SPEG: variants seen among roughly 807,000 people sequenced by gnomAD.
SPEG encodes striated muscle preferentially expressed protein kinase.
In SPEG, 114 loss-of-function variants were observed where a neutral mutation model predicts 300.4. That is an observed-to-expected ratio of 0.38 (90% CI 0.33 to 0.44). The LOEUF is 0.44. SPEG is among the 20% of genes least tolerant of loss of function. SPEG has a pLI of 1.00. For missense variants in SPEG, 4,201 were observed against 4,586.2 expected (o/e 0.92, Z 2.43); for synonymous variants, 1,964 against 2,018.9 (o/e 0.97, Z 0.73).
intron 1 of SPEG, chr2:219,442,958 G>T: frequency 1.5e-6 from 1 of 666,436 alleles, no homozygotes; most frequent in Non-Finnish European, 2.6e-6. Flanking sequence ...GGGGAAGCTG[G>T]TCACTCTGGG....
chr2:219,476,724 TG>T, intron 18 of SPEG, 145 bp from the exon 19 acceptor site: 5 of 406,332 alleles, frequency 1.2e-5, no homozygotes, highest in Admixed American at 5.8e-5. Flanking sequence ...TTGGTGGGGG[TG>T]GGGGGTGGTG....
rs1008553858 is a variant in SPEG at position 219,449,144 on chromosome 2, G to A, written c.1986G>A (p.Ala662=). 4.2e-6 allele frequency: 6 copies of A among 1,435,644 alleles called. No homozygotes were observed. In the African/African-American group the frequency reaches 7.5e-5, roughly 18 times the overall value. The allele number at this position is 1,435,644 out of a possible 1,614,324, so 88.9% of individuals were successfully genotyped here. A position where few individuals can be genotyped will look rare whatever the true frequency, so the allele number is the denominator to read the frequency against. Residue 662 remains alanine (A), a synonymous_variant, in exon 4 of 41, where the codon GCG becomes GCA. Transcript: ENST00000312358. ...AVPQTLEKNR[A]GPEAEKRLRR... is the part of the protein sequence containing the mutation. ...CCCAGACCTTGGAGAAGAACAGGGC[G>A]GGGCCTGAGGCAGAGAAGAGGCTTC... is the stretch of plus-strand genomic sequence containing the variant.
chr2:219,484,744 G>A lies in SPEG; in HGVS notation c.7281G>A (p.Pro2427=), dbSNP rs1693221757. The change falls in exon 30 of 41, where the codon CCG becomes CCA. Residue 2427 remains proline, a synonymous_variant. Coordinates refer to ENST00000312358, the MANE Select transcript of SPEG (RefSeq NM_005876.5). ...GGACCCCTCCCGCGCAGCGCCACCC[G>A]GCCTGGGAGGCCCGCGGCGGGGACG... ...LRRTPPAQRH[P]AWEARGGDGE... 4 of 1,467,594 alleles carry A rather than the reference G, an allele frequency of 2.7e-6. No homozygotes were observed. The highest frequency in any genetic ancestry group is 2.6e-5 in the Admixed American group (1 of 38,628). 90.9% of individuals were successfully genotyped at this position (1,467,594 alleles called of 1,614,324 possible). A position where few individuals can be genotyped will look rare whatever the true frequency, so the allele number is the denominator to read the frequency against.
In SPEG at chr2:219,488,661, G is replaced by A. The variant is rs1038043521; in HGVS notation, c.8022G>A (p.Val2674=). The change falls in exon 33 of 41, where the codon GTG becomes GTA. Residue 2674 remains valine (V), a synonymous_variant. Coordinates refer to ENST00000312358, the MANE Select transcript of SPEG (RefSeq NM_005876.5). The part of the protein sequence containing the change: ...GSITSSCTVA[V]ARVPGKLAPP... ...TCACCAGCTCCTGTACCGTGGCTGTGGCCCGTGAGCCTGGGGCAGGGCCCC... is the reference window on the plus strand; with the variant it reads ...TCACCAGCTCCTGTACCGTGGCTGTAGCCCGTGAGCCTGGGGCAGGGCCCC... 2.5e-5 allele frequency: 40 copies of A among 1,601,696 alleles called. No homozygotes were observed. The highest frequency in any genetic ancestry group is 3.3e-5 in the Non-Finnish European group (39 of 1,172,882).
chr2:219,444,814 C>T lies in SPEG; in HGVS notation c.479-11C>T, dbSNP rs750417340. 18 of 1,603,306 alleles carry T rather than the reference C, an allele frequency of 1.1e-5. No homozygotes were observed. The highest frequency in any genetic ancestry group is 4.5e-5 in the South Asian group (4 of 89,582). ...AGGGGTGCCTCAGTCTCACGGTGCT[C>T]CTTTCTCTAGGGGGTTCTGACACCC... is the stretch of plus-strand genomic sequence containing the variant. On this transcript the variant is annotated splice_polypyrimidine_tract_variant and intron_variant, in intron 2 of 40. Coordinates refer to ENST00000312358, the MANE Select transcript of SPEG (RefSeq NM_005876.5). This position sits in a 1 kb window ranked among gnomAD's most constrained non-coding sequence, Gnocchi z 7.8.
In SPEG at chr2:219,484,232, C is replaced by T. The variant is rs188481500; in HGVS notation, c.6769C>T (p.His2257Tyr). Residue 2257 changes from histidine to tyrosine, a missense_variant, in exon 30 of 41, where the codon CAC becomes TAC. Physicochemically the swap from His to Tyr is moderately conservative, Grantham distance 83. Transcript: ENST00000312358. Reference protein sequence around the residue: ...QIIQSLQLSGHAQGPSQGPAA... With the variant: ...QIIQSLQLSGYAQGPSQGPAA... ...CATTCAGTCCCTCCAGCTGTCAGGC[C>T]ACGCCCAGGGCCCCTCGCAGGGCCC... 146 of 1,612,000 alleles carry T rather than the reference C, an allele frequency of 9.1e-5. No homozygotes were observed. The East Asian group carries it at 2.9e-3, about 32-fold the overall frequency.
intron 1 of SPEG, among the ~76,000 whole-genome samples, chr2:219,438,395 C>T (rs548496139): frequency 1.3e-5 from 2 of 152,312 alleles, no homozygotes; most frequent in South Asian, 2.1e-4. Context: ...GTATCTGAGT[C>T]TGGGTCCATA....
chr2:219,488,155 G>T (rs1422241779), intron 31 of SPEG, 39 bp from the exon 32 acceptor site: 2 of 1,421,260 alleles, frequency 1.4e-6, no homozygotes, highest in African/African-American at 1.4e-5. Context: ...GTGGGCCAGG[G>T]TCCCTACAGA....
Position 219,489,037 on chromosome 2 carries a change from C to T in SPEG, c.8150-17C>T. The T allele has an allele frequency of 6.2e-7, 1 of 1,613,062 alleles. No individual in the cohort carries two copies. The highest frequency in any genetic ancestry group is 8.5e-7 in the Non-Finnish European group (1 of 1,179,604). Reference sequence around the variant, plus strand: ...ACCGCTTCTGTGACCTCAGCCCCTCCCCCATACTGCCTATAGGGGAGTCTG... The same window carrying T: ...ACCGCTTCTGTGACCTCAGCCCCTCTCCCATACTGCCTATAGGGGAGTCTG... On this transcript the variant is annotated splice_polypyrimidine_tract_variant and intron_variant, in intron 34 of 40. Transcript: ENST00000312358.
chr2:219,488,825 G>A lies in SPEG; in HGVS notation c.8074G>A (p.Asp2692Asn), dbSNP rs1395202727. The change falls in exon 34 of 41, where the codon GAC (aspartate) becomes AAC (asparagine). Residue 2692 changes from aspartate (D) to asparagine (N), a missense_variant. Asp to Asn is a conservative substitution (Grantham distance 23, BLOSUM62 1). Transcript: ENST00000312358. ...APPEVPQTYQ[D>N]TALVLWKPGD... ...TCCAGAGGTACCCCAGACCTACCAG[G>A]ACACGGCGCTGGTGCTGTGGAAGCC... 6.3e-6 allele frequency: 10 copies of A among 1,595,898 alleles called. No individual in the cohort carries two copies. The highest frequency in any genetic ancestry group is 8.5e-6 in the Non-Finnish European group (10 of 1,170,136).
chr2:219,489,676 C>T lies in SPEG; in HGVS notation c.8658C>T (p.Ser2886=). ...ACACTGGGACCCCGATCCCAGCCTCCACTCCTCAAGGGGTTAAACCAGTGT... is the reference window on the plus strand; with the variant it reads ...ACACTGGGACCCCGATCCCAGCCTCTACTCCTCAAGGGGTTAAACCAGTGT... ...VLDTGTPIPA[S]TPQGVKPVSS... The change falls in exon 36 of 41, where the codon TCC becomes TCT. Residue 2886 remains serine, a synonymous_variant. Transcript: ENST00000312358. 3 of 1,614,128 alleles carry T rather than the reference C, an allele frequency of 1.9e-6. No homozygotes were observed. The highest frequency in any genetic ancestry group is 1.3e-5 in the African/African-American group (1 of 75,046).
At chr2:219,455,610 C>T (rs968134652) in intron 6 of SPEG, among the ~76,000 whole-genome samples, 14 of 152,210 alleles carry the variant, frequency 9.2e-5, no homozygotes, top group Non-Finnish European at 7.3e-5. Context: ...AGCCTACACT[C>T]CTAACCATGA....
intron 1 of SPEG, among the ~76,000 whole-genome samples, chr2:219,440,246 G>A (rs1440193247): frequency 6.6e-6 from 1 of 151,860 alleles, no homozygotes; most frequent in Non-Finnish European, 1.5e-5. Context: ...AATTAGCTGG[G>A]CATGATGGCA....
chr2:219,479,716 C>A lies in SPEG; in HGVS notation c.5086-67C>A. The A allele has an allele frequency of 6.7e-7, 1 of 1,483,192 alleles. No individual in the cohort carries two copies. Among genetic ancestry groups the A allele is most frequent in the Non-Finnish European group, 9.4e-7 (1 of 1,064,250 alleles). 91.9% of individuals were successfully genotyped at this position (1,483,192 alleles called of 1,614,324 possible). A position where few individuals can be genotyped will look rare whatever the true frequency, so the allele number is the denominator to read the frequency against. The stretch of plus-strand genomic sequence containing the variant: ...TCCACAGGCACAGCCGGACCGCTTG[C>A]CGCCCTGGAGGTGTTCAGACATACA... On this transcript the variant is annotated intron_variant, in intron 23 of 40. Coordinates refer to ENST00000312358, the MANE Select transcript of SPEG (RefSeq NM_005876.5). This position sits in a 1 kb window ranked among gnomAD's most constrained non-coding sequence, Gnocchi z 5.5.
Position 219,483,404 on chromosome 2 carries a change from T to C in SPEG, c.5941T>C (p.Ser1981Pro), listed in dbSNP as rs780739616. ...MDWQEQGRAP[S>P]QDQEAPSPEA... ...CTGGCAGGAGCAGGGAAGGGCTCCCTCTCAGGACCAGGAGGCTCCCAGCCC... is the reference window on the plus strand; with the variant it reads ...CTGGCAGGAGCAGGGAAGGGCTCCCCCTCAGGACCAGGAGGCTCCCAGCCC... Residue 1981 changes from serine to proline, a missense_variant, in exon 30 of 41, where the codon TCT becomes CCT. By Grantham distance (74) the Ser-to-Pro change is moderately conservative. This residue lies in a region of SPEG where 1,578 missense variants were observed against 1,506.0 expected (regional missense o/e 1.05). Transcript: ENST00000312358. 7 of 1,590,104 alleles carry C rather than the reference T, an allele frequency of 4.4e-6. No individual in the cohort carries two copies. In the East Asian group the frequency reaches 1.4e-4, roughly 31 times the overall value.
chr2:219,488,718 G>A lies in SPEG; in HGVS notation c.8026+53G>A, dbSNP rs62191888. The A allele has an allele frequency of 3.2e-5, 52 of 1,609,790 alleles. No homozygotes were observed. The East Asian group carries it at 1.2e-3, about 36-fold the overall frequency. On this transcript the variant is annotated intron_variant, in intron 33 of 40. Coordinates refer to ENST00000312358, the MANE Select transcript of SPEG (RefSeq NM_005876.5). Reference sequence around the variant, plus strand: ...GTAGTGATGGGGATGGTGGGACAGGGCTTGAGGGGTTCTTAGCTAGGGTAT... The same window carrying A: ...GTAGTGATGGGGATGGTGGGACAGGACTTGAGGGGTTCTTAGCTAGGGTAT...
In SPEG at chr2:219,484,385, C is replaced by A; in HGVS notation, c.6922C>A (p.Arg2308=). 6.2e-7 allele frequency: 1 copy of A among 1,609,700 alleles called. No individual in the cohort carries two copies. ...TCCCCCGGTGCTAGCCGAGAAAGCC[C>A]GAGTTCCCACGGTGCCCCCCAGGCC... ...GGPPVLAEKA[R]VPTVPPRPGS... Residue 2308 remains arginine (R), a synonymous_variant, in exon 30 of 41, where the codon CGA becomes AGA. Transcript: ENST00000312358.
rs777902859 is a variant in SPEG at position 219,468,881 on chromosome 2, G to C, written c.3324G>C (p.Glu1108Asp). The change falls in exon 12 of 41, where the codon GAG becomes GAC. Residue 1108 changes from glutamate to aspartate, a missense_variant. This residue lies in a region of SPEG where 1,047 missense variants were observed against 1,356.8 expected (regional missense o/e 0.77). Transcript: ENST00000312358. ...CAGGCTGCCCCATGGAGGAGAGTGA[G>C]AACTTGCGGCTGCGGCAGGACGGGG... Reference protein sequence around the residue: ...THFGCPMEESENLRLRQDGGL... With the variant: ...THFGCPMEESDNLRLRQDGGL... The C allele has an allele frequency of 1.9e-6, 3 of 1,613,324 alleles. No individual in the cohort carries two copies. In the East Asian group the frequency reaches 6.7e-5, roughly 36 times the overall value.
chr2:219,463,501 C>A (rs1385014948), intron 8 of SPEG, among the ~76,000 whole-genome samples: 1 of 144,436 alleles, frequency 6.9e-6, no homozygotes, highest in Admixed American at 7.2e-5. Context: ...GCAACCTCCG[C>A]CTCCTGGGTT....
Sources: gnomAD v4.1 joint callset for allele counts (sites outside exome capture counted in the v4.1 genomes callset) on GRCh38, gnomAD v4.1.1 for gene constraint, gnomAD v4.1.1 regional missense constraint, Gnocchi (gnomAD v3.1) non-coding constraint, MANE v1.5 for transcripts, NCBI Gene and HGNC (gene_info 2026-07-23, HGNC 2026-07-21) for gene names.